Variants in ZNF492 observed in about 807,000 individuals in gnomAD.
The protein encoded by ZNF492 is zinc finger protein 115 (Y20).
Under a neutral mutation model 6.4 loss-of-function variants are expected in ZNF492, and 3 were observed. That is an observed-to-expected ratio of 0.47 (90% CI 0.21 to 1.22). The LOEUF is 1.22. ZNF492 is among the 50% of genes most tolerant of loss of function. The pLI is 0.22. For missense variants in ZNF492, 356 were observed against 612.5 expected (o/e 0.58, Z 4.42); for synonymous variants, 112 against 205.3 (o/e 0.55, Z 3.89).
chr19:22,657,161 GA>G lies in ZNF492; in HGVS notation c.130+3148del, dbSNP rs1462587262. The stretch of plus-strand genomic sequence containing the variant: ...AAAATTTACATGTTATGTCTGAAGT[GA>G]ATTAGGTAATTAGTAGACAGACAAA... On this transcript the variant is annotated intron_variant, in intron 3 of 3. Transcript: ENST00000456783. Among the ~76,000 whole-genome samples, 58 of 152,160 alleles carry G rather than the reference GA, an allele frequency of 3.8e-4. 1 individual carries two copies. Among genetic ancestry groups the G allele is most frequent in the African/African-American group, 1.4e-3 (58 of 41,464 alleles).
At chr19:22,661,711 C>G (rs750736352) in intron 3 of ZNF492, among the ~76,000 whole-genome samples, 16 of 152,046 alleles carry the variant, frequency 1.1e-4, no homozygotes, top group Admixed American at 3.9e-4. Context: ...ATTATCTGGT[C>G]TCAGCTTCCC....
chr19:22,667,236 AAT>A lies in ZNF492; in HGVS notation c.*1973_*1974del, dbSNP rs1437637191. 1 of 152,194 alleles carries A rather than the reference AAT, an allele frequency of 6.6e-6. No individual in the cohort carries two copies. The highest frequency in any genetic ancestry group is 1.5e-5 in the Non-Finnish European group (1 of 68,024). 9.4% of individuals were successfully genotyped at this position (152,194 alleles called of 1,614,324 possible). The stretch of plus-strand genomic sequence containing the variant: ...AAGTGAGACTCCCTCTCAAAAAATA[AAT>A]AAGTAAATAAAATAAATGGTGGTAA... On this transcript the variant is annotated 3_prime_UTR_variant, in exon 4 of 4. Coordinates refer to ENST00000456783, the MANE Select transcript of ZNF492 (RefSeq NM_020855.3).
At chr19:22,640,472 T>G (rs1466155309) in intron 1 of ZNF492, among the ~76,000 whole-genome samples, 1 of 152,218 alleles carries the variant, frequency 6.6e-6, no homozygotes, top group African/African-American at 2.4e-5. Flanking sequence ...TCATATATGT[T>G]GAATTAGCCT....
chr19:22,657,487 C>T (rs1490245625), intron 3 of ZNF492, among the ~76,000 whole-genome samples: 2 of 151,978 alleles, frequency 1.3e-5, no homozygotes, highest in African/African-American at 2.4e-5. Flanking sequence ...TATGATTATA[C>T]TGCATTTTAT....
chr19:22,646,300 T>C (rs984803825), intron 1 of ZNF492, among the ~76,000 whole-genome samples: 6 of 152,312 alleles, frequency 3.9e-5, no homozygotes, highest in Non-Finnish European at 5.9e-5. Flanking sequence ...AGTTTATTTA[T>C]GATTTGGCTC....
At chr19:22,652,045 T>C (rs767043162) in intron 1 of ZNF492, among the ~76,000 whole-genome samples, 23 of 152,148 alleles carry the variant, frequency 1.5e-4, no homozygotes, top group Non-Finnish European at 2.4e-4. Flanking sequence ...TGTCCTTCTG[T>C]GTGCATCAGC....
chr19:22,663,028 G>A (rs913241337), intron 3 of ZNF492, among the ~76,000 whole-genome samples: 1 of 152,094 alleles, frequency 6.6e-6, no homozygotes, highest in African/African-American at 2.4e-5. Flanking sequence ...GTCCTGAATG[G>A]TATTGCCTAG....
At chr19:22,661,290 C>T (rs940396659) in intron 3 of ZNF492, among the ~76,000 whole-genome samples, 5 of 151,808 alleles carry the variant, frequency 3.3e-5, no homozygotes, top group Admixed American at 2.6e-4. Context: ...CTGTTTCACT[C>T]ATTGGATATT....
chr19:22,648,031 G>A (rs566917004), intron 1 of ZNF492, among the ~76,000 whole-genome samples: 13 of 152,158 alleles, frequency 8.5e-5, no homozygotes, highest in African/African-American at 1.4e-4. Context: ...ACCGTTCCCC[G>A]ACTTAGCTCT....
chr19:22,648,876 CTCTT>C (rs1207146478), intron 1 of ZNF492, among the ~76,000 whole-genome samples: 3 of 152,174 alleles, frequency 2.0e-5, no homozygotes, highest in Admixed American at 1.3e-4. Flanking sequence ...TGGGTCTTGA[CTCTT>C]TATCCAATTT....
intron 1 of ZNF492, 111 bp from the exon 2 acceptor site, chr19:22,653,196 C>T (rs1454669554): frequency 8.2e-7 from 1 of 1,221,048 alleles, no homozygotes; most frequent in East Asian, 2.4e-5. Flanking sequence ...ATATCAGTCA[C>T]TCCTATAAGT....
chr19:22,647,719 C>T (rs1971896480), intron 1 of ZNF492, among the ~76,000 whole-genome samples: 2 of 131,030 alleles, frequency 1.5e-5, no homozygotes, highest in Non-Finnish European at 3.2e-5. Context: ...TGCTTTCTAG[C>T]TCTTTTAGTT....
At chr19:22,660,913 C>CT (rs765100457) in intron 3 of ZNF492, among the ~76,000 whole-genome samples, 11,197 of 132,196 alleles carry the variant, frequency 0.085, 1,293 homozygotes, top group African/African-American at 0.27. Flanking sequence ...AACTTGATAG[C>CT]TTTTTTTTTT....
At chr19:22,650,136 C>T (rs1289944987) in intron 1 of ZNF492, among the ~76,000 whole-genome samples, 1 of 152,074 alleles carries the variant, frequency 6.6e-6, no homozygotes, top group Non-Finnish European at 1.5e-5. Context: ...TGCTGTTGTT[C>T]ATTTCTGTTT....
chr19:22,651,367 A>C (rs1971938365), intron 1 of ZNF492, among the ~76,000 whole-genome samples: 1 of 151,970 alleles, frequency 6.6e-6, no homozygotes, highest in Non-Finnish European at 1.5e-5. Flanking sequence ...TGCCCCTAAA[A>C]AATGGCTTTT....
At chr19:22,659,662 TTG>T (rs1223738442) in intron 3 of ZNF492, among the ~76,000 whole-genome samples, 10 of 136,338 alleles carry the variant, frequency 7.3e-5, no homozygotes, top group African/African-American at 2.8e-4. Flanking sequence ...TGGTTTTTTT[TTG>T]TTGTTTTTTT....
chr19:22,657,192 A>C (rs1243338378), intron 3 of ZNF492, among the ~76,000 whole-genome samples: 1 of 152,136 alleles, frequency 6.6e-6, no homozygotes, highest in Non-Finnish European at 1.5e-5. Flanking sequence ...GACAAAAAGG[A>C]AATATAGACA....
chr19:22,655,448 A>G (rs1334853837), intron 3 of ZNF492, among the ~76,000 whole-genome samples: 3 of 152,092 alleles, frequency 2.0e-5, no homozygotes, highest in African/African-American at 4.8e-5. Flanking sequence ...TTTTAGTGCT[A>G]TTGTAAATAA....
rs1204814000 is a variant in ZNF492, at chr19:22,642,454, A to ATCTTGGCT, written c.-94+7981_-94+7988dup. On this transcript the variant is annotated intron_variant, in intron 1 of 3. Transcript: ENST00000456783. Reference sequence around the variant, plus strand: ...GCCCAGGCTGGAGTGCAATGGCATGATCTTGGCTCACTGCAAGCTCTGCCT... The same window carrying ATCTTGGCT: ...GCCCAGGCTGGAGTGCAATGGCATGATCTTGGCTTCTTGGCTCACTGCAAGCTCTGCCT... Among the ~76,000 whole-genome samples, 2 of 110,098 alleles carry ATCTTGGCT rather than the reference A, an allele frequency of 1.8e-5. 1 individual carries two copies. The highest frequency in any genetic ancestry group is 5.4e-4 in the East Asian group (2 of 3,688). 72.2% of individuals were successfully genotyped at this position (110,098 alleles called of 152,430 possible).
Sources: gnomAD v4.1 joint callset for allele counts (sites outside exome capture counted in the v4.1 genomes callset) on GRCh38, gnomAD v4.1.1 for gene constraint, MANE v1.5 for transcripts, NCBI Gene and HGNC (gene_info 2026-07-23, HGNC 2026-07-21) for gene names.